The following SYT1 variants were observed in gnomAD, a reference collection of about 807,000 sequenced individuals.
SYT1 encodes the protein synaptotagmin 1.
In SYT1, 8 loss-of-function variants were observed where a neutral mutation model predicts 44.8. That is an observed-to-expected ratio of 0.18 (90% CI 0.10 to 0.32). The LOEUF is 0.32. SYT1 is among the 10% of genes least tolerant of loss of function. The probability of loss-of-function intolerance (pLI) is 1.00; values close to 1 mark genes in which losing one functional copy is unlikely to be tolerated. For missense variants in SYT1, 286 were observed against 509.3 expected, an observed-to-expected ratio of 0.56 and a Z score of 4.22; for synonymous variants, 154 against 188.8, an observed-to-expected ratio of 0.82 and a Z score of 1.51.
At chr12:79,390,745 C>A (rs1884625442) in intron 9 of SYT1, among the ~76,000 whole-genome samples, 1 of 152,186 alleles carries the variant, frequency 6.6e-6, no homozygotes, top group African/African-American at 2.4e-5. Context: ...CCTATAGTAA[C>A]CTTTCAACAC....
intron 9 of SYT1, among the ~76,000 whole-genome samples, chr12:79,424,686 T>TTAA (rs1869326971): frequency 6.6e-6 from 1 of 152,164 alleles, no homozygotes; most frequent in Non-Finnish European, 1.5e-5. Context: ...TGATTGGCCA[T>TTAA]TAATAGTTCC....
intron 1 of SYT1, among the ~76,000 whole-genome samples, chr12:78,943,325 C>CT (rs1488928963): frequency 2.6e-5 from 4 of 152,122 alleles, no homozygotes; most frequent in East Asian, 3.9e-4. Flanking sequence ...GTCTTGGCAT[C>CT]TGCACAGCTT....
intron 3 of SYT1, among the ~76,000 whole-genome samples, chr12:79,190,626 C>A (rs1405098879): frequency 6.6e-6 from 1 of 152,164 alleles, no homozygotes; most frequent in Non-Finnish European, 1.5e-5. Context: ...GATTAATGAT[C>A]TCCTTTCAGA....
At position 79,237,247 on chromosome 12, in the gene SYT1, G is replaced by T. The variant is rs141774031; in HGVS notation, c.166+19562G>T. On this transcript the variant is annotated intron_variant, in intron 4 of 10. Transcript: ENST00000261205. Reference sequence around the variant, plus strand: ...CAGAGAAGCTGGGTAACCATTCCAGGGTTATGCCCTGTAGGGATTGGACAA... The same window carrying T: ...CAGAGAAGCTGGGTAACCATTCCAGTGTTATGCCCTGTAGGGATTGGACAA... Among the ~76,000 whole-genome samples the T allele has an allele frequency of 4.2e-3, 636 of 152,296 alleles. 1 individual carries two copies. The highest frequency in any genetic ancestry group is 0.015 in the African/African-American group (603 of 41,580).
At chr12:78,870,689 T>C (rs1309696665) in intron 1 of SYT1, among the ~76,000 whole-genome samples, 1 of 152,016 alleles carries the variant, frequency 6.6e-6, no homozygotes, top group Non-Finnish European at 1.5e-5. Context: ...CTGAAAACTC[T>C]GGTGAAAGTT....
chr12:79,217,556 C>G lies in SYT1; in HGVS notation c.37C>G (p.Pro13Ala). The G allele has an allele frequency of 6.2e-7, 1 of 1,610,378 alleles. No homozygotes were observed. Among genetic ancestry groups the G allele is most frequent in the Non-Finnish European group, 8.5e-7 (1 of 1,178,496 alleles). Residue 13 changes from proline (P) to alanine (A), a missense_variant, in exon 4 of 11, where the codon CCG (proline) becomes GCG (alanine). Physicochemically the swap from Pro to Ala is conservative, Grantham distance 27. Around this residue, in one of 6 missense-constraint regions of SYT1, gnomAD observed 141 missense variants for 165.7 expected, o/e 0.85. Transcript: ENST00000261205. ...SESHHEALAA[P>A]PVTTVATVLP... is the part of the protein sequence containing the mutation. ...GAGTCACCATGAGGCCCTGGCAGCC[C>G]CGCCTGTCACCACTGTCGCGACTGT...
intron 9 of SYT1, among the ~76,000 whole-genome samples, chr12:79,414,978 G>A (rs1416611509): frequency 2.6e-5 from 4 of 152,094 alleles, no homozygotes; most frequent in Non-Finnish European, 5.9e-5. Context: ...GAAAACACAG[G>A]TACTTGTATT....
At chr12:79,269,456 C>A (rs776806937) in intron 4 of SYT1, among the ~76,000 whole-genome samples, 4 of 152,110 alleles carry the variant, frequency 2.6e-5, no homozygotes, top group Non-Finnish European at 5.9e-5. Flanking sequence ...TCTCACTCCA[C>A]CTCTGCATAA....
intron 9 of SYT1, among the ~76,000 whole-genome samples, chr12:79,408,539 A>G (rs1232188971): frequency 6.6e-6 from 1 of 152,138 alleles, no homozygotes; most frequent in Non-Finnish European, 1.5e-5. Context: ...GGATTCAGGG[A>G]ATAAAGAAGT....
chr12:79,430,335 T>C (rs1294478171), intron 9 of SYT1, among the ~76,000 whole-genome samples: 1 of 152,220 alleles, frequency 6.6e-6, no homozygotes, highest in Non-Finnish European at 1.5e-5. Flanking sequence ...CACACGGTCT[T>C]AGGCTATCTT....
At chr12:79,437,680 G>T (rs971212601) in intron 9 of SYT1, among the ~76,000 whole-genome samples, 2 of 152,152 alleles carry the variant, frequency 1.3e-5, no homozygotes, top group Admixed American at 1.3e-4. Flanking sequence ...ATTTGTTTGG[G>T]ATATAGCTCC....
In SYT1 at chr12:79,120,962, T is replaced by C. The variant is rs200104930; in HGVS notation, c.-18+73600T>C. ...ATCTATATATATATATAGATATATATACACACACACATTTGTATATATATA... is the reference window on the plus strand; with the variant it reads ...ATCTATATATATATATAGATATATACACACACACACATTTGTATATATATA... On this transcript the variant is annotated intron_variant, in intron 3 of 10. Coordinates refer to ENST00000261205, the MANE Select transcript of SYT1 (RefSeq NM_005639.3). 8.9e-3 allele frequency among the ~76,000 whole-genome samples: 1,335 copies of C among 150,090 alleles called. 24 individuals are homozygous for C. The highest frequency in any genetic ancestry group is 0.031 in the African/African-American group (1,277 of 40,932).
chr12:79,092,670 T>C (rs1021131040), intron 3 of SYT1, among the ~76,000 whole-genome samples: 4 of 151,714 alleles, frequency 2.6e-5, no homozygotes, highest in African/African-American at 9.7e-5. Flanking sequence ...TTCACTGAAG[T>C]TCGGAATTCT....
chr12:78,997,664 C>CTTTTTTTTTTTTT (rs143170436), intron 2 of SYT1, among the ~76,000 whole-genome samples: 1 of 144,714 alleles, frequency 6.9e-6, no homozygotes. Context: ...TTTCTCTTTC[C>CTTTTTTTTTTTTT]TTTTTTTTTT....
intron 3 of SYT1, among the ~76,000 whole-genome samples, chr12:79,122,389 C>A (rs1307218700): frequency 6.7e-6 from 1 of 149,706 alleles, no homozygotes; most frequent in Non-Finnish European, 1.5e-5. Flanking sequence ...TAGCGGGCGC[C>A]TGTAGTCCCA....
intron 1 of SYT1, among the ~76,000 whole-genome samples, chr12:78,899,492 G>A (rs1875541834): frequency 6.6e-6 from 1 of 152,056 alleles, no homozygotes. Context: ...ACATATGAAT[G>A]TATTATAAGG....
chr12:78,902,399 A>T (rs553393535), intron 1 of SYT1, among the ~76,000 whole-genome samples: 1 of 152,102 alleles, frequency 6.6e-6, no homozygotes, highest in African/African-American at 2.4e-5. Context: ...TCTTAGGGAC[A>T]TCTCTGTACC....
At chr12:78,928,456 C>G (rs1280647196) in intron 1 of SYT1, among the ~76,000 whole-genome samples, 1 of 152,152 alleles carries the variant, frequency 6.6e-6, no homozygotes, top group African/African-American at 2.4e-5. Flanking sequence ...TTAGCAACCT[C>G]AACCTCAGCA....
intron 9 of SYT1, among the ~76,000 whole-genome samples, chr12:79,412,338 G>A (rs968536840): frequency 1.3e-5 from 2 of 152,054 alleles, no homozygotes; most frequent in African/African-American, 4.8e-5. Context: ...TCCCTATAAG[G>A]TAATATACCA....
Sources: allele counts gnomAD v4.1 joint callset (sites outside exome capture counted in the v4.1 genomes callset), GRCh38; gene constraint gnomAD v4.1.1; regional missense constraint gnomAD v4.1.1; transcripts MANE v1.5; gene names NCBI Gene and HGNC (gene_info 2026-07-23, HGNC 2026-07-21).